The following PTPRK variants were observed in gnomAD, a reference collection of about 807,000 sequenced individuals.
The protein encoded by PTPRK is receptor-type tyrosine-protein phosphatase kappa.
A neutral mutation model predicts 178.0 loss-of-function variants in PTPRK; 75 were observed. That is an observed-to-expected ratio of 0.42 (90% CI 0.35 to 0.51). The LOEUF (loss-of-function observed/expected upper bound fraction) is 0.51. Ranked by LOEUF, PTPRK falls within the 20% of genes least tolerant of loss-of-function variation. The pLI is 0.02. For synonymous variants in PTPRK, 637 were observed against 620.6 expected (o/e 1.03, Z -0.39); for missense variants, 1,441 against 1,797.8 (o/e 0.80, Z 3.59).
At chr6:128,370,233 C>T (rs1004968968) in intron 2 of PTPRK, among the ~76,000 whole-genome samples, 1 of 152,098 alleles carries the variant, frequency 6.6e-6, no homozygotes, top group African/African-American at 2.4e-5. Context: ...GCTTAATGTA[C>T]TAAATTACAA....
intron 1 of PTPRK, among the ~76,000 whole-genome samples, chr6:128,478,544 C>T (rs762627929): frequency 3.3e-5 from 5 of 152,108 alleles, no homozygotes; most frequent in Non-Finnish European, 5.9e-5. Context: ...ACCATAGGCA[C>T]AGGCCATTTT....
chr6:128,003,369 G>T, intron 15 of PTPRK: 1 of 866,454 alleles, frequency 1.2e-6, no homozygotes, highest in Non-Finnish European at 1.7e-6. Context: ...TTCTGCAAAT[G>T]TAAAATTTTC....
Position 128,133,120 on chromosome 6 carries a change from T to C in PTPRK, c.1163-43128A>G, listed in dbSNP as rs9402019. ...TACAGAAAGAGAATAATAACATCTA[T>C]TTAAAACTGTATGTTGAAAAACAAA... On this transcript the variant is annotated intron_variant, in intron 7 of 29. Coordinates refer to ENST00000368226, the MANE Select transcript of PTPRK (RefSeq NM_002844.4). 0.027 allele frequency among the ~76,000 whole-genome samples: 4,085 copies of C among 152,298 alleles called. 393 individuals are homozygous for C. In the East Asian group the frequency reaches 0.36, roughly 14 times the overall value.
chr6:128,253,646 T>C (rs578251605), intron 3 of PTPRK, among the ~76,000 whole-genome samples: 10 of 152,286 alleles, frequency 6.6e-5, no homozygotes, highest in African/African-American at 2.4e-4. Context: ...ATCTTACACA[T>C]AGCAGAAGTA....
intron 1 of PTPRK, among the ~76,000 whole-genome samples, chr6:128,466,989 A>G (rs1428956925): frequency 6.6e-6 from 1 of 152,138 alleles, no homozygotes; most frequent in Non-Finnish European, 1.5e-5. Context: ...GCTTATATCA[A>G]GGCAGACAGT....
chr6:128,506,833 T>C (rs1371950793), intron 1 of PTPRK, among the ~76,000 whole-genome samples: 1 of 152,074 alleles, frequency 6.6e-6, no homozygotes, highest in Non-Finnish European at 1.5e-5. Flanking sequence ...CTATTATTTA[T>C]TCTCTGGTGG....
intron 13 of PTPRK, among the ~76,000 whole-genome samples, chr6:128,025,259 T>C (rs1774110921): frequency 6.6e-6 from 1 of 152,272 alleles, no homozygotes; most frequent in Admixed American, 6.5e-5. Context: ...TTGTATGAAT[T>C]CATATAACGA....
chr6:128,152,840 G>A (rs971417165), intron 7 of PTPRK, among the ~76,000 whole-genome samples: 1 of 151,964 alleles, frequency 6.6e-6, no homozygotes, highest in South Asian at 2.1e-4. Flanking sequence ...TATATGATGT[G>A]ACTCACAAAG....
At chr6:128,480,086 C>T (rs1228661379) in intron 1 of PTPRK, among the ~76,000 whole-genome samples, 1 of 152,110 alleles carries the variant, frequency 6.6e-6, no homozygotes, top group African/African-American at 2.4e-5. Flanking sequence ...CCCCGACTCC[C>T]ACTCCAATAC....
intron 2 of PTPRK, among the ~76,000 whole-genome samples, chr6:128,384,052 T>C (rs1375814837): frequency 1.3e-5 from 2 of 152,220 alleles, no homozygotes; most frequent in African/African-American, 4.8e-5. Flanking sequence ...GATAATTTTT[T>C]TGTTACTTTA....
chr6:128,250,032 G>C (rs1175203096), intron 3 of PTPRK, among the ~76,000 whole-genome samples: 1 of 152,150 alleles, frequency 6.6e-6, no homozygotes, highest in Non-Finnish European at 1.5e-5. Flanking sequence ...CACGAGATCT[G>C]ATGGTTTTCA....
chr6:128,438,625 A>C (rs577477085), intron 1 of PTPRK, among the ~76,000 whole-genome samples: 1 of 152,318 alleles, frequency 6.6e-6, no homozygotes, highest in East Asian at 1.9e-4. Context: ...CCTCAGATGC[A>C]ATGGAGTATC....
intron 6 of PTPRK, among the ~76,000 whole-genome samples, chr6:128,212,009 T>G (rs1808282323): frequency 6.6e-6 from 1 of 152,060 alleles, no homozygotes; most frequent in African/African-American, 2.4e-5. Context: ...GTGTAACTTT[T>G]TAAAGCCAAA....
chr6:128,175,662 G>C (rs1204849562), intron 7 of PTPRK, among the ~76,000 whole-genome samples: 3 of 151,650 alleles, frequency 2.0e-5, no homozygotes. Flanking sequence ...AAAAATAATA[G>C]TGCATTGACA....
chr6:127,979,256 C>T (rs1213644015), intron 25 of PTPRK, among the ~76,000 whole-genome samples: 4 of 152,016 alleles, frequency 2.6e-5, no homozygotes, highest in African/African-American at 9.7e-5. Context: ...GCCTGTGCTA[C>T]AGAGTGAGAG....
chr6:128,456,135 A>G (rs1848358323), intron 1 of PTPRK, among the ~76,000 whole-genome samples: 1 of 152,050 alleles, frequency 6.6e-6, no homozygotes, highest in Non-Finnish European at 1.5e-5. Flanking sequence ...CCAGCAGTGG[A>G]ATGGGGTGAC....
intron 6 of PTPRK, among the ~76,000 whole-genome samples, chr6:128,218,464 C>T (rs1809753868): frequency 6.6e-6 from 1 of 152,134 alleles, no homozygotes; most frequent in Admixed American, 6.5e-5. Flanking sequence ...CTATAAGAGA[C>T]ATGCATCAGT....
At chr6:128,102,616 A>T (rs934822271) in intron 7 of PTPRK, among the ~76,000 whole-genome samples, 3 of 152,196 alleles carry the variant, frequency 2.0e-5, no homozygotes, top group African/African-American at 7.2e-5. Context: ...TACTATATCC[A>T]TTCATCCCAG....
At position 128,005,228 on chromosome 6, in the gene PTPRK, G is replaced by GT; in HGVS notation, c.2349dup (p.Arg784ThrfsTer25). ...CGGGTATTCCCCATGGCATCTTTGC[G>GT]TTTTTTAGCAAGTTTGCTGCCAAGG... is the stretch of plus-strand genomic sequence containing the variant. On this transcript the variant is annotated frameshift_variant, in exon 15 of 30. Coordinates refer to ENST00000368226, the MANE Select transcript of PTPRK (RefSeq NM_002844.4). LOFTEE classifies it high-confidence loss of function. The GT allele has an allele frequency of 6.2e-7, 1 of 1,610,958 alleles. No homozygotes were observed. Among genetic ancestry groups the GT allele is most frequent in the South Asian group, 1.1e-5 (1 of 90,920 alleles).
Sources: gnomAD v4.1 joint callset for allele counts (sites outside exome capture counted in the v4.1 genomes callset) on GRCh38, gnomAD v4.1.1 for gene constraint, MANE v1.5 for transcripts, NCBI Gene and HGNC (gene_info 2026-07-23, HGNC 2026-07-21) for gene names.